TAC1: variants seen among roughly 807,000 people sequenced by gnomAD.
TAC1 encodes the protein protachykinin-1.
TAC1 carries 12 observed loss-of-function variants against 21.7 expected under a neutral mutation model. The observed-to-expected ratio is 0.55, with a 90% CI of 0.35 to 0.89. The LOEUF is 0.89. Among genes scored for constraint, TAC1 ranks in the 40% least tolerant of loss-of-function variants. The pLI is 0.01. For synonymous variants in TAC1, 52 were observed against 52.0 expected (o/e 1.00, Z 0.00); for missense variants, 128 against 151.4 (o/e 0.85, Z 0.81).
chr7:97,734,499 CTCTT>C (rs2115835548), intron 4 of TAC1, among the ~76,000 whole-genome samples: 1 of 150,360 alleles, frequency 6.7e-6, no homozygotes, highest in East Asian at 1.9e-4. Context: ...CTCTCTCTCT[CTCTT>C]TCTCTCTCTC....
In TAC1 at chr7:97,740,201, GA is replaced by G. The variant is rs904559215; in HGVS notation, c.*289del. On this transcript the variant is annotated 3_prime_UTR_variant, in exon 7 of 7. Coordinates refer to ENST00000319273, the MANE Select transcript of TAC1 (RefSeq NM_003182.3). ...ACCTGTCAATGATACAGTCCCTAAAGAAAAAAAATCATTGCTTTGAAGCAGT... is the reference window on the plus strand; with the variant it reads ...ACCTGTCAATGATACAGTCCCTAAAGAAAAAAATCATTGCTTTGAAGCAGT... 3 of 227,946 alleles carry G rather than the reference GA, an allele frequency of 1.3e-5. No individual in the cohort carries two copies. The highest frequency in any genetic ancestry group is 8.6e-5 in the East Asian group (1 of 11,638). The allele number at this position is 227,946 out of a possible 1,614,324, so 14.1% of individuals were successfully genotyped here. A position where few individuals can be genotyped will look rare whatever the true frequency, so the allele number is the denominator to read the frequency against.
Position 97,734,263 on chromosome 7 carries a change from A to G in TAC1, c.236A>G (p.Lys79Arg), listed in dbSNP as rs1364577826. ...GKRDADSSIE[K>R]QVALLKALYG... The stretch of plus-strand genomic sequence containing the variant: ...CTCTTGTCAGATTCCTCAATTGAAA[A>G]ACAAGTGGCCCTGTTAAAGGCTCTT... The change falls in exon 4 of 7, where the codon AAA (lysine) becomes AGA (arginine). Residue 79 changes from lysine to arginine, a missense_variant. Lys to Arg is a conservative substitution (Grantham distance 26). Coordinates refer to ENST00000319273, the MANE Select transcript of TAC1 (RefSeq NM_003182.3). 6.2e-7 allele frequency: 1 copy of G among 1,614,012 alleles called. No individual in the cohort carries two copies.
At chr7:97,735,772 A>C (rs1403866479) in intron 5 of TAC1, among the ~76,000 whole-genome samples, 2 of 152,162 alleles carry the variant, frequency 1.3e-5, no homozygotes, top group African/African-American at 4.8e-5. Context: ...TAAAAAATGT[A>C]CTCTGTTCAT....
chr7:97,740,153 A>C lies in TAC1; in HGVS notation c.*233A>C. ...ATAAGTGGTTATTTCTCAACAAAGCACAGTGTTAAATGAAATTGTAAAACC... is the reference window on the plus strand; with the variant it reads ...ATAAGTGGTTATTTCTCAACAAAGCCCAGTGTTAAATGAAATTGTAAAACC... On this transcript the variant is annotated 3_prime_UTR_variant, in exon 7 of 7. Transcript: ENST00000319273. 3.0e-6 allele frequency: 1 copy of C among 328,468 alleles called. No homozygotes were observed. The highest frequency in any genetic ancestry group is 5.6e-6 in the Non-Finnish European group (1 of 179,908). 20.3% of individuals were successfully genotyped at this position (328,468 alleles called of 1,614,324 possible). A position where few individuals can be genotyped will look rare whatever the true frequency, so the allele number is the denominator to read the frequency against.
At chr7:97,736,173 C>A in intron 5 of TAC1, 126 bp from the exon 6 acceptor site, 1 of 685,966 alleles carries the variant, frequency 1.5e-6, no homozygotes, top group South Asian at 3.0e-5. Context: ...TCAGTCTCAC[C>A]AAAACTTGAA....
At chr7:97,734,375 A>C in intron 4 of TAC1, 83 bp downstream of exon 4, 1 of 1,250,014 alleles carries the variant, frequency 8.0e-7, no homozygotes, top group East Asian at 2.4e-5. Flanking sequence ...GGGCTGAAAT[A>C]CAAGATCTGG....
chr7:97,738,918 AT>A (rs989368663), intron 6 of TAC1, among the ~76,000 whole-genome samples: 5 of 151,718 alleles, frequency 3.3e-5, no homozygotes, highest in Admixed American at 6.6e-5. Flanking sequence ...AGGATGAAAA[AT>A]ATCCCAAAAT....
chr7:97,732,406 A>G lies in TAC1; in HGVS notation c.-9-198A>G, dbSNP rs1331063339. Among the ~76,000 whole-genome samples, 7 of 152,164 alleles carry G rather than the reference A, an allele frequency of 4.6e-5. No individual in the cohort carries two copies. The highest frequency in any genetic ancestry group is 1.4e-4 in the African/African-American group (6 of 41,452). Reference sequence around the variant, plus strand: ...TAGGGGGCTGGGGGAGTTGGGATTCAGGGAGAAGAGGGTTGGAGAATCTTT... The same window carrying G: ...TAGGGGGCTGGGGGAGTTGGGATTCGGGGAGAAGAGGGTTGGAGAATCTTT... On this transcript the variant is annotated intron_variant, in intron 1 of 6. Coordinates refer to ENST00000319273, the MANE Select transcript of TAC1 (RefSeq NM_003182.3). The surrounding 1 kb of genome is among the most constrained non-coding windows in gnomAD (Gnocchi z 6.2).
At chr7:97,737,296 C>T (rs1301801608) in intron 6 of TAC1, among the ~76,000 whole-genome samples, 1 of 151,930 alleles carries the variant, frequency 6.6e-6, no homozygotes, top group Non-Finnish European at 1.5e-5. Flanking sequence ...AAGTAATCAG[C>T]AGCTGTCTTA....
At position 97,732,990 on chromosome 7, in the gene TAC1, T is replaced by C. The variant is rs1789470446; in HGVS notation, c.123+255T>C. On this transcript the variant is annotated intron_variant, in intron 2 of 6. Coordinates refer to ENST00000319273, the MANE Select transcript of TAC1 (RefSeq NM_003182.3). This position sits in a 1 kb window ranked among gnomAD's most constrained non-coding sequence, Gnocchi z 6.2. ...CCTGCAGTAGGGATGCCCTCCCGGA[T>C]GAGCCCGAGATCCTCACAAGGCGGG... 9 of 385,680 alleles carry C rather than the reference T, an allele frequency of 2.3e-5. No homozygotes were observed. The highest frequency in any genetic ancestry group is 2.1e-4 in the South Asian group (4 of 18,666). 23.9% of individuals were successfully genotyped at this position (385,680 alleles called of 1,614,324 possible). A position where few individuals can be genotyped will look rare whatever the true frequency, so the allele number is the denominator to read the frequency against.
Position 97,739,920 on chromosome 7 carries a change from A to G in TAC1, c.390A>G (p.Ter130=), listed in dbSNP as rs186527477. Residue 130 remains the stop codon, a stop_retained_variant, in exon 7 of 7, where the codon TAA becomes TAG. Coordinates refer to ENST00000319273, the MANE Select transcript of TAC1 (RefSeq NM_003182.3). Reference sequence around the variant, plus strand: ...TGCAGAATTATGAAAGAAGACGTTAATAAACTACCTAACATTATTTATTCA... The same window carrying G: ...TGCAGAATTATGAAAGAAGACGTTAGTAAACTACCTAACATTATTTATTCA... ...SAMQNYERRR[*] 3.7e-6 allele frequency: 6 copies of G among 1,601,090 alleles called. No individual in the cohort carries two copies. The East Asian group carries it at 1.4e-4, about 36-fold the overall frequency.
intron 6 of TAC1, among the ~76,000 whole-genome samples, chr7:97,738,176 T>C (rs188935062): frequency 1.3e-5 from 2 of 152,132 alleles, no homozygotes; most frequent in African/African-American, 4.8e-5. Context: ...GGGATCTTTT[T>C]ATGTACCTCA....
chr7:97,739,024 T>C (rs544312296), intron 6 of TAC1, among the ~76,000 whole-genome samples: 3 of 108,918 alleles, frequency 2.8e-5, no homozygotes, highest in African/African-American at 9.8e-5. Context: ...ATATACAATT[T>C]TGGCATTTTT....
chr7:97,734,740 G>A, intron 4 of TAC1, 86 bp from the exon 5 acceptor site: 2 of 1,023,962 alleles, frequency 2.0e-6, no homozygotes, highest in Non-Finnish European at 1.4e-6. Flanking sequence ...TACATATTTT[G>A]AGAATCAAAT....
At chr7:97,734,405 G>A (rs2115834898) in intron 4 of TAC1, 113 bp downstream of exon 4, 1 of 920,078 alleles carries the variant, frequency 1.1e-6, no homozygotes, top group South Asian at 1.5e-5. Flanking sequence ...GTTTAATAAA[G>A]AGATGGATTT....
intron 6 of TAC1, among the ~76,000 whole-genome samples, chr7:97,738,253 C>G (rs1789620876): frequency 6.6e-6 from 1 of 151,846 alleles, no homozygotes; most frequent in Admixed American, 6.6e-5. Context: ...GGTCAGGGAC[C>G]CCTTTGACAA....
chr7:97,734,062 A>G (rs1789503918), intron 3 of TAC1, 186 bp from the exon 4 acceptor site: 3 of 690,712 alleles, frequency 4.3e-6, no homozygotes, highest in Non-Finnish European at 4.9e-6. Flanking sequence ...TAAAGATCCA[A>G]ACTGACAAAG....
Position 97,732,915 on chromosome 7 carries a change from C to A in TAC1, c.123+180C>A. ...CCGGGTTCCCCACGGGATTTTGTGCCCACGATTCAAGTTTCTTCCCGAGGG... is the reference window on the plus strand; with the variant it reads ...CCGGGTTCCCCACGGGATTTTGTGCACACGATTCAAGTTTCTTCCCGAGGG... On this transcript the variant is annotated intron_variant, in intron 2 of 6. Transcript: ENST00000319273. This position sits in a 1 kb window ranked among gnomAD's most constrained non-coding sequence, Gnocchi z 6.2. 1.2e-6 allele frequency: 1 copy of A among 847,418 alleles called. No individual in the cohort carries two copies. The highest frequency in any genetic ancestry group is 1.8e-6 in the Non-Finnish European group (1 of 568,838). 52.5% of individuals were successfully genotyped at this position (847,418 alleles called of 1,614,324 possible).
chr7:97,733,684 T>C, intron 2 of TAC1, 39 bp from the exon 3 acceptor site: 1 of 1,606,522 alleles, frequency 6.2e-7, no homozygotes, highest in Non-Finnish European at 8.5e-7. Context: ...CTCGCTCTGG[T>C]TGCCTTACAC....
Sources: gnomAD v4.1 joint callset for allele counts (sites outside exome capture counted in the v4.1 genomes callset) on GRCh38, gnomAD v4.1.1 for gene constraint, Gnocchi (gnomAD v3.1) non-coding constraint, MANE v1.5 for transcripts, NCBI Gene and HGNC (gene_info 2026-07-23, HGNC 2026-07-21) for gene names.